The following SLC7A1 variants were observed in gnomAD, a reference collection of about 807,000 sequenced individuals.
The protein encoded by SLC7A1 is solute carrier family 7 member 1, also known as high affinity cationic amino acid transporter 1.
Under a neutral mutation model 53.9 loss-of-function variants are expected in SLC7A1, and 10 were observed. The observed-to-expected ratio is 0.19, with a 90% confidence interval of 0.11 to 0.31. The LOEUF (loss-of-function observed/expected upper bound fraction) is 0.31, where lower values mean the gene tolerates loss of function less well. Ranked by LOEUF, SLC7A1 falls within the 10% of genes least tolerant of loss-of-function variation. SLC7A1 has a pLI of 1.00. For missense variants in SLC7A1, 525 were observed against 827.2 expected, an observed-to-expected ratio of 0.63 and a Z score of 4.48; for synonymous variants, 342 against 338.7, an observed-to-expected ratio of 1.01 and a Z score of -0.11.
rs1157742468 is a variant in SLC7A1, at chr13:29,517,953, C to T, written c.1293-163G>A. ...GCATTGTAGATAGACGAGGAGAGAC[C>T]GGGAACACCACCTCCCGCTGTTGCT... On this transcript the variant is annotated intron_variant, in intron 9 of 12. Transcript: ENST00000380752. Among the ~76,000 whole-genome samples, 12 of 152,288 alleles carry T rather than the reference C, an allele frequency of 7.9e-5. No individual in the cohort carries two copies. In the East Asian group the frequency reaches 1.7e-3, roughly 22 times the overall value.
chr13:29,529,465 T>C (rs922896154), intron 5 of SLC7A1, among the ~76,000 whole-genome samples: 2 of 152,260 alleles, frequency 1.3e-5, no homozygotes, highest in African/African-American at 4.8e-5. Context: ...GTGTGTCTTC[T>C]GGTCTGTCCT....
At position 29,530,525 on chromosome 13, in the gene SLC7A1, A is replaced by C. The variant is rs1869098774; in HGVS notation, c.704+13T>G. On this transcript the variant is annotated intron_variant, in intron 5 of 12. Transcript: ENST00000380752. ...ATGTCAACTAAGAAAAATGGTCAGAAGCAGCAACTCACTTGTTCAAACAGA... is the reference window on the plus strand; with the variant it reads ...ATGTCAACTAAGAAAAATGGTCAGACGCAGCAACTCACTTGTTCAAACAGA... 2 of 1,612,360 alleles carry C rather than the reference A, an allele frequency of 1.2e-6. No individual in the cohort carries two copies. Among genetic ancestry groups the C allele is most frequent in the East Asian group, 4.5e-5 (2 of 44,840 alleles).
Position 29,522,462 on chromosome 13 carries a change from TGGGGAGA to T in SLC7A1, c.1050-13_1050-7del, listed in dbSNP as rs746727645. Reference sequence around the variant, plus strand: ...GAAACATGGAACCTAGAAGACTAGATGGGGAGAGGCAAACCGCGTGAGTGAACCTGGC... The same window carrying T: ...GAAACATGGAACCTAGAAGACTAGATGGCAAACCGCGTGAGTGAACCTGGC... On this transcript the variant is annotated splice_polypyrimidine_tract_variant and splice_region_variant and intron_variant, in intron 7 of 12. Coordinates refer to ENST00000380752, the MANE Select transcript of SLC7A1 (RefSeq NM_003045.5). 2 of 1,613,964 alleles carry T rather than the reference TGGGGAGA, an allele frequency of 1.2e-6. No homozygotes were observed. Among genetic ancestry groups the T allele is most frequent in the South Asian group, 2.2e-5 (2 of 91,068 alleles).
intron 4 of SLC7A1, among the ~76,000 whole-genome samples, chr13:29,531,755 A>G (rs1244300758): frequency 6.6e-6 from 1 of 152,026 alleles, no homozygotes; most frequent in Non-Finnish European, 1.5e-5. Context: ...AATCGCTTGA[A>G]CCCAGGAGGC....
At chr13:29,560,772 C>G (rs1186250786) in intron 1 of SLC7A1, among the ~76,000 whole-genome samples, 1 of 152,036 alleles carries the variant, frequency 6.6e-6, no homozygotes, top group East Asian at 1.9e-4. Flanking sequence ...ATGAGGTCTA[C>G]GATCAACCAA....
intron 2 of SLC7A1, among the ~76,000 whole-genome samples, chr13:29,538,212 G>A (rs899657855): frequency 6.6e-6 from 1 of 152,114 alleles, no homozygotes; most frequent in African/African-American, 2.4e-5. Flanking sequence ...CTCTGCAGGC[G>A]CAGTCCTCCT....
intron 5 of SLC7A1, among the ~76,000 whole-genome samples, chr13:29,527,731 G>A (rs555615154): frequency 3.9e-5 from 6 of 152,342 alleles, no homozygotes; most frequent in Admixed American, 1.3e-4. Flanking sequence ...GGCATAGAAA[G>A]GGGTCAGGCC....
intron 1 of SLC7A1, among the ~76,000 whole-genome samples, chr13:29,575,787 G>C (rs1380289231): frequency 6.6e-6 from 1 of 152,162 alleles, no homozygotes; most frequent in Admixed American, 6.5e-5. Flanking sequence ...CAAAGAAAGA[G>C]ATTTCTGTCC....
chr13:29,554,146 A>G (rs1289601209), intron 1 of SLC7A1, among the ~76,000 whole-genome samples: 5 of 152,184 alleles, frequency 3.3e-5, no homozygotes, highest in African/African-American at 9.7e-5. Flanking sequence ...AAGATAGAAA[A>G]GCGTCACACC....
At chr13:29,591,610 T>C (rs186095013) in intron 1 of SLC7A1, among the ~76,000 whole-genome samples, 1 of 152,204 alleles carries the variant, frequency 6.6e-6, no homozygotes, top group East Asian at 1.9e-4. Flanking sequence ...AAGAATCCGA[T>C]CTGAACAAGT....
intron 5 of SLC7A1, 113 bp from the exon 6 acceptor site, chr13:29,524,366 C>G: frequency 7.4e-7 from 1 of 1,356,754 alleles, no homozygotes. Context: ...CTCCCTGTTA[C>G]CGCTGCCAGG....
At position 29,536,054 on chromosome 13, in the gene SLC7A1, T is replaced by C. The variant is rs763867896; in HGVS notation, c.135A>G (p.Thr45=). ...FDLVALGVGS[T]LGAGVYVLAG... ...CCAGGACGTAGACACCAGCACCCAG[T>C]GTGCTGCCCACCCCGAGGGCCACCA... The change falls in exon 3 of 13, where the codon ACA becomes ACG. Residue 45 remains threonine, a synonymous_variant. Transcript: ENST00000380752. 1.2e-6 allele frequency: 2 copies of C among 1,613,972 alleles called. No individual in the cohort carries two copies. The highest frequency in any genetic ancestry group is 1.1e-5 in the South Asian group (1 of 91,080).
chr13:29,549,431 G>A (rs975990962), intron 2 of SLC7A1, among the ~76,000 whole-genome samples: 1 of 152,142 alleles, frequency 6.6e-6, no homozygotes, highest in African/African-American at 2.4e-5. Flanking sequence ...CACAGGCAGT[G>A]CCACCTGCAT....
At chr13:29,582,644 G>T (rs557539219) in intron 1 of SLC7A1, among the ~76,000 whole-genome samples, 1 of 152,166 alleles carries the variant, frequency 6.6e-6, no homozygotes, top group Admixed American at 6.5e-5. Context: ...GTGACCCTGA[G>T]AGCTGGTTAG....
chr13:29,516,088 C>T (rs760006525), intron 12 of SLC7A1, 50 bp downstream of exon 12: 9 of 1,132,714 alleles, frequency 7.9e-6, no homozygotes, highest in South Asian at 2.7e-5. Context: ...ACAAGGGAGA[C>T]CCCCAGGGGA....
intron 1 of SLC7A1, among the ~76,000 whole-genome samples, chr13:29,579,365 T>C (rs1268509123): frequency 9.2e-6 from 1 of 108,906 alleles, no homozygotes; most frequent in African/African-American, 3.4e-5. Flanking sequence ...CACTAGCAAT[T>C]TTTTTTTTTT....
At chr13:29,545,807 T>C (rs1566263894) in intron 2 of SLC7A1, among the ~76,000 whole-genome samples, 1 of 151,990 alleles carries the variant, frequency 6.6e-6, no homozygotes, top group Non-Finnish European at 1.5e-5. Flanking sequence ...TTTACTCAAA[T>C]CAAAGATGAC....
At chr13:29,548,663 CT>C (rs1870036842) in intron 2 of SLC7A1, among the ~76,000 whole-genome samples, 1 of 152,254 alleles carries the variant, frequency 6.6e-6, no homozygotes, top group Admixed American at 6.5e-5. Context: ...AAGGTCCAGC[CT>C]TCTCCTTTTA....
In SLC7A1 at chr13:29,536,088, G is replaced by A. The variant is rs1353014705; in HGVS notation, c.101C>T (p.Thr34Ile). 5.0e-6 allele frequency: 8 copies of A among 1,613,888 alleles called. No homozygotes were observed. The highest frequency in any genetic ancestry group is 6.8e-6 in the Non-Finnish European group (8 of 1,180,042). ...EETRLSRCLN[T>I]FDLVALGVGS... is the part of the protein sequence containing the mutation. ...CACCCCGAGGGCCACCAGATCAAAA[G>A]TGTTCAGGCAGCGAGACAGCCGCGT... The change falls in exon 3 of 13, where the codon ACT becomes ATT. Residue 34 changes from threonine (T) to isoleucine (I), a missense_variant. Physicochemically the swap from Thr to Ile is moderately conservative, Grantham distance 89. Around this residue, in one of 4 missense-constraint regions of SLC7A1, gnomAD observed 354 missense variants for 587.5 expected, o/e 0.60. Transcript: ENST00000380752.
Sources: allele counts gnomAD v4.1 joint callset (sites outside exome capture counted in the v4.1 genomes callset), GRCh38; gene constraint gnomAD v4.1.1; regional missense constraint gnomAD v4.1.1; transcripts MANE v1.5; gene names NCBI Gene and HGNC (gene_info 2026-07-23, HGNC 2026-07-21).